The following GPM6A variants were observed in gnomAD, a reference collection of about 807,000 sequenced individuals.
The protein encoded by GPM6A is glycoprotein M6A.
Under a neutral mutation model 32.1 loss-of-function variants are expected in GPM6A, and 7 were observed. The observed-to-expected ratio is 0.22, with a 90% CI of 0.12 to 0.41. The LOEUF is 0.41. Among genes scored for constraint, GPM6A ranks in the 10% least tolerant of loss-of-function variants. GPM6A has a pLI of 1.00. For missense variants in GPM6A, 235 were observed against 347.2 expected (o/e 0.68, Z 2.57); for synonymous variants, 130 against 123.4 (o/e 1.05, Z -0.35).
chr4:175,816,440 T>C (rs1385452717), upstream of GPM6A, among the ~76,000 whole-genome samples: 1 of 152,346 alleles, frequency 6.6e-6, no homozygotes, highest in East Asian at 1.9e-4. Flanking sequence ...ATACAATAAG[T>C]AAATATCGAC....
chr4:175,787,049 G>A (rs1033762530), intron 1 of GPM6A: 9 of 331,932 alleles, frequency 2.7e-5, no homozygotes, highest in African/African-American at 1.7e-4. Flanking sequence ...TATAATCTCG[G>A]TGTTTGTTTG....
chr4:175,706,634 G>T (rs1483471654), intron 1 of GPM6A, among the ~76,000 whole-genome samples: 1 of 152,102 alleles, frequency 6.6e-6, no homozygotes, highest in African/African-American at 2.4e-5. Context: ...CTGTTTGAGG[G>T]CTGTCTATTC....
At chr4:175,785,639 A>G (rs1733770031) in intron 1 of GPM6A, among the ~76,000 whole-genome samples, 1 of 152,144 alleles carries the variant, frequency 6.6e-6, no homozygotes, top group Non-Finnish European at 1.5e-5. Context: ...CTTTTTTAGC[A>G]TTTGCATTCA....
chr4:175,930,510 T>C (rs1739000440), intron 1 of GPM6A, among the ~76,000 whole-genome samples: 1 of 151,974 alleles, frequency 6.6e-6, no homozygotes, highest in South Asian at 2.1e-4. Flanking sequence ...TTATACAGCT[T>C]ATTTTATGCA....
intron 6 of GPM6A, among the ~76,000 whole-genome samples, chr4:175,637,235 T>C (rs1475079915): frequency 3.6e-5 from 3 of 84,292 alleles, no homozygotes; most frequent in African/African-American, 9.4e-5. Flanking sequence ...ATAAAATATA[T>C]ATTATATATT....
At chr4:175,790,121 A>G (rs1299145963) in intron 1 of GPM6A, among the ~76,000 whole-genome samples, 1 of 152,200 alleles carries the variant, frequency 6.6e-6, no homozygotes, top group Admixed American at 6.5e-5. Flanking sequence ...ACATAAATAA[A>G]TGTGTAATAG....
At chr4:175,743,199 A>G (rs1731958335) in intron 1 of GPM6A, among the ~76,000 whole-genome samples, 1 of 150,996 alleles carries the variant, frequency 6.6e-6, no homozygotes, top group African/African-American at 2.4e-5. Flanking sequence ...GATTAAAAAA[A>G]AAAGTATGTG....
At chr4:175,657,516 A>T (rs1359016292) in intron 3 of GPM6A, among the ~76,000 whole-genome samples, 1 of 152,164 alleles carries the variant, frequency 6.6e-6, no homozygotes, top group Non-Finnish European at 1.5e-5. Context: ...GACTTATTTG[A>T]TCTTCAACTT....
chr4:175,735,709 G>C (rs1299255543), intron 1 of GPM6A, among the ~76,000 whole-genome samples: 2 of 151,994 alleles, frequency 1.3e-5, no homozygotes, highest in Non-Finnish European at 2.9e-5. Flanking sequence ...ACAGGCGTGT[G>C]CCACCACGCC....
In GPM6A at chr4:175,812,244, T is replaced by G. The variant is rs1173727898; in HGVS notation, c.-17A>C. ...CTCTTCCATGGCTACCTTTCTTCAG[T>G]AGAATCTGGTACACGGAATTAATCA... On this transcript the variant is annotated 5_prime_UTR_variant, in exon 1 of 7. Coordinates refer to ENST00000393658, the MANE Select transcript of GPM6A (RefSeq NM_201591.3). 3.2e-6 allele frequency: 5 copies of G among 1,562,702 alleles called. No individual in the cohort carries two copies. Among genetic ancestry groups the G allele is most frequent in the African/African-American group, 1.4e-5 (1 of 71,400 alleles).
intron 1 of GPM6A, among the ~76,000 whole-genome samples, chr4:175,779,837 A>G (rs1248766174): frequency 6.6e-6 from 1 of 152,140 alleles, no homozygotes; most frequent in Non-Finnish European, 1.5e-5. Context: ...AAATTTTAAA[A>G]GGAGATAAGA....
At chr4:175,725,837 C>T (rs377487946) in intron 1 of GPM6A, among the ~76,000 whole-genome samples, 26 of 152,114 alleles carry the variant, frequency 1.7e-4, no homozygotes, top group African/African-American at 6.3e-4. Context: ...GAAATGAATG[C>T]TTTGCAGTTC....
At chr4:175,639,251 A>G (rs1740996110) in intron 6 of GPM6A, among the ~76,000 whole-genome samples, 1 of 152,184 alleles carries the variant, frequency 6.6e-6, no homozygotes, top group Non-Finnish European at 1.5e-5. Flanking sequence ...GTATTTTCTC[A>G]TCATTCTTAT....
At chr4:175,951,741 C>T (rs1259184745) in intron 1 of GPM6A, among the ~76,000 whole-genome samples, 1 of 152,150 alleles carries the variant, frequency 6.6e-6, no homozygotes, top group Admixed American at 6.6e-5. Context: ...TTTATATTAC[C>T]TGGGTAGTTA....
chr4:175,839,105 A>T (rs1735862713), intron 1 of GPM6A, among the ~76,000 whole-genome samples: 1 of 152,242 alleles, frequency 6.6e-6, no homozygotes, highest in African/African-American at 2.4e-5. Flanking sequence ...AATATAAAGT[A>T]AGCATTAATA....
intron 1 of GPM6A, among the ~76,000 whole-genome samples, chr4:175,971,434 G>A (rs559161327): frequency 3.5e-4 from 54 of 152,252 alleles, no homozygotes; most frequent in African/African-American, 1.3e-3. Flanking sequence ...TTGCGTGCAC[G>A]TAATTTTCTT....
chr4:175,851,586 A>G (rs1736260567), intron 1 of GPM6A, among the ~76,000 whole-genome samples: 1 of 152,112 alleles, frequency 6.6e-6, no homozygotes, highest in African/African-American at 2.4e-5. Flanking sequence ...AAGAGGGAAG[A>G]GTACCTAGTT....
chr4:175,826,722 C>T (rs1735450622), intron 1 of GPM6A, among the ~76,000 whole-genome samples: 1 of 152,018 alleles, frequency 6.6e-6, no homozygotes, highest in African/African-American at 2.4e-5. Context: ...GAAAAGAGAG[C>T]TTCCTGAGTT....
chr4:175,690,817 G>A (rs1744254566), intron 2 of GPM6A, among the ~76,000 whole-genome samples: 1 of 152,142 alleles, frequency 6.6e-6, no homozygotes, highest in Non-Finnish European at 1.5e-5. Flanking sequence ...AACATATGAT[G>A]TTACAAGGAT....
Sources: gnomAD v4.1 joint callset for allele counts (sites outside exome capture counted in the v4.1 genomes callset) on GRCh38, gnomAD v4.1.1 for gene constraint, MANE v1.5 for transcripts, NCBI Gene and HGNC (gene_info 2026-07-23, HGNC 2026-07-21) for gene names.